Variants in TRPS1 observed in about 807,000 individuals in gnomAD.
TRPS1 encodes the protein zinc finger transcription factor Trps1.
TRPS1 carries 6 observed loss-of-function variants against 101.2 expected under a neutral mutation model. That is an observed-to-expected ratio of 0.06 (90% CI 0.03 to 0.12). The LOEUF (loss-of-function observed/expected upper bound fraction) is 0.12. Among genes scored for constraint, TRPS1 ranks in the 10% least tolerant of loss-of-function variants. The probability of loss-of-function intolerance (pLI) is 1.00; values close to 1 mark genes in which losing one functional copy is unlikely to be tolerated. For synonymous variants in TRPS1, 578 were observed against 589.8 expected, an observed-to-expected ratio of 0.98 and a Z score of 0.29; for missense variants, 1,363 against 1,567.0, an observed-to-expected ratio of 0.87 and a Z score of 2.20.
chr8:115,665,347 A>C (rs867344218), intron 1 of TRPS1, among the ~76,000 whole-genome samples: 2 of 152,196 alleles, frequency 1.3e-5, no homozygotes, highest in Non-Finnish European at 2.9e-5. Flanking sequence ...TGTGGGTTGT[A>C]TGTCTGTACA....
chr8:115,599,675 T>G (rs2737206), intron 4 of TRPS1, among the ~76,000 whole-genome samples: 1 of 151,992 alleles, frequency 6.6e-6, no homozygotes, highest in Non-Finnish European at 1.5e-5. Flanking sequence ...CACCAACTCG[T>G]TTTTTTATGG....
At position 115,410,852 on chromosome 8, in the gene TRPS1, C is replaced by G. The variant is rs967456204; in HGVS notation, c.*3171G>C. The stretch of plus-strand genomic sequence containing the variant: ...CACATCATTTTCATCACAGGGGAAG[C>G]CTTTTCCAAGAGAGAAAATTCCTAA... On this transcript the variant is annotated 3_prime_UTR_variant, in exon 7 of 7. Transcript: ENST00000395715. The G allele has an allele frequency of 6.6e-6, 1 of 151,840 alleles. No individual in the cohort carries two copies. The highest frequency in any genetic ancestry group is 2.4e-5 in the African/African-American group (1 of 41,350). 9.4% of individuals were successfully genotyped at this position (151,840 alleles called of 1,614,324 possible). A position where few individuals can be genotyped will look rare whatever the true frequency, so the allele number is the denominator to read the frequency against.
intron 5 of TRPS1, among the ~76,000 whole-genome samples, chr8:115,441,866 TGAGAGAGAGA>T (rs56875076): frequency 6.2e-4 from 86 of 139,598 alleles, no homozygotes; most frequent in Non-Finnish European, 1.1e-3. Flanking sequence ...CAATTGAGAG[TGAGAGAGAGA>T]GAGAGAGAGA....
intron 5 of TRPS1, among the ~76,000 whole-genome samples, chr8:115,443,238 C>A (rs1003438974): frequency 6.6e-6 from 1 of 152,170 alleles, no homozygotes; most frequent in Non-Finnish European, 1.5e-5. Context: ...CCACTGCACT[C>A]CAGCCTGGGT....
intron 1 of TRPS1, among the ~76,000 whole-genome samples, chr8:115,636,570 T>C (rs1442729742): frequency 6.6e-6 from 1 of 152,198 alleles, no homozygotes; most frequent in Non-Finnish European, 1.5e-5. Context: ...GGAGACATGA[T>C]TTAGCACCAA....
intron 5 of TRPS1, chr8:115,492,252 G>A (rs1272369484): frequency 2.2e-5 from 10 of 456,030 alleles, no homozygotes; most frequent in Non-Finnish European, 8.8e-6. Flanking sequence ...AGGACTCAGA[G>A]GTAAGAATGT....
chr8:115,601,962 A>C (rs1586446071), intron 4 of TRPS1, among the ~76,000 whole-genome samples: 1 of 152,336 alleles, frequency 6.6e-6, no homozygotes, highest in African/African-American at 2.4e-5. Context: ...AATATTAACT[A>C]AATTCTGACA....
Position 115,604,805 on chromosome 8 carries a change from T to C in TRPS1, c.1164A>G (p.Ser388=), listed in dbSNP as rs138244006. ...GGATGGACTTGTTAGAGTTTTTCTC[T>C]GAAGGTTTTGCAACCTCAGAGGAGG... ...SLPSSEVAKP[S]EKNSNKSIPA... is the part of the protein sequence containing the mutation. The change falls in exon 4 of 7, where the codon TCA becomes TCG. Residue 388 remains serine (S), a synonymous_variant. Transcript: ENST00000395715. This position sits in a 1 kb window ranked among gnomAD's most constrained non-coding sequence, Gnocchi z 4.1. The C allele has an allele frequency of 1.0e-4, 166 of 1,614,098 alleles. No individual in the cohort carries two copies. The African/African-American group carries it at 2.1e-3, about 21-fold the overall frequency.
chr8:115,620,145 G>A (rs949540058), intron 2 of TRPS1, 85 bp from the exon 3 acceptor site: 177 of 1,408,354 alleles, frequency 1.3e-4, no homozygotes, highest in Non-Finnish European at 1.6e-4. Context: ...TTACTTATGT[G>A]AGTTTTTTAA....
intron 4 of TRPS1, among the ~76,000 whole-genome samples, chr8:115,598,654 T>C (rs1022141855): frequency 6.6e-6 from 1 of 152,154 alleles, no homozygotes; most frequent in Non-Finnish European, 1.5e-5. Flanking sequence ...TTTGTTTGGA[T>C]TTGCTCAGAT....
chr8:115,607,702 A>G (rs1008861352), intron 3 of TRPS1, among the ~76,000 whole-genome samples: 10 of 151,846 alleles, frequency 6.6e-5, no homozygotes, highest in Non-Finnish European at 1.3e-4. Context: ...TTAGAATCAC[A>G]TATTTTAAAA....
chr8:115,444,746 G>T (rs1052405106), intron 5 of TRPS1, among the ~76,000 whole-genome samples: 26 of 152,028 alleles, frequency 1.7e-4, no homozygotes, highest in Non-Finnish European at 4.4e-5. Flanking sequence ...TTCCAACAAA[G>T]ATGATTTTCT....
At chr8:115,440,223 C>G (rs1024222521) in intron 5 of TRPS1, among the ~76,000 whole-genome samples, 4 of 152,220 alleles carry the variant, frequency 2.6e-5, no homozygotes, top group African/African-American at 9.7e-5. Context: ...GTCTGAAAAA[C>G]TTATTCTGGA....
chr8:115,425,007 T>G lies in TRPS1; in HGVS notation c.2701-6555A>C, dbSNP rs539831318. Reference sequence around the variant, plus strand: ...TAACCAGCTGTTGACTACACACCAGTAGACCCTATGGAATATACTGAATTC... The same window carrying G: ...TAACCAGCTGTTGACTACACACCAGGAGACCCTATGGAATATACTGAATTC... On this transcript the variant is annotated intron_variant, in intron 5 of 6. Transcript: ENST00000395715. 1.2e-4 allele frequency among the ~76,000 whole-genome samples: 19 copies of G among 152,312 alleles called. No homozygotes were observed. In the South Asian group the frequency reaches 3.7e-3, roughly 30 times the overall value.
intron 4 of TRPS1, among the ~76,000 whole-genome samples, chr8:115,596,956 G>A (rs1354223472): frequency 6.6e-6 from 1 of 151,630 alleles, no homozygotes; most frequent in African/African-American, 2.4e-5. Flanking sequence ...CATTTATGTT[G>A]TAGTCACTTG....
In TRPS1 at chr8:115,619,271, T is replaced by G. The variant is rs781674888; in HGVS notation, c.827A>C (p.Lys276Thr). 1 of 1,613,892 alleles carries G rather than the reference T, an allele frequency of 6.2e-7. No individual in the cohort carries two copies. Among genetic ancestry groups the G allele is most frequent in the African/African-American group, 1.3e-5 (1 of 75,038 alleles). The change falls in exon 3 of 7, where the codon AAA becomes ACA. Residue 276 changes from lysine to threonine, a missense_variant. Coordinates refer to ENST00000395715, the MANE Select transcript of TRPS1 (RefSeq NM_014112.5). ...RTRQDAELDS[K>T]ILALHNMVQF... The stretch of plus-strand genomic sequence containing the variant: ...CACCATGTTATGAAGGGCCAAGATT[T>G]TGCTGTCCAGCTCAGCATCTTGCCT...
At chr8:115,644,759 T>G (rs1347935357) in intron 1 of TRPS1, among the ~76,000 whole-genome samples, 1 of 152,218 alleles carries the variant, frequency 6.6e-6, no homozygotes, top group Non-Finnish European at 1.5e-5. Flanking sequence ...GTGAGAGACA[T>G]GAAACCCTTC....
intron 5 of TRPS1, among the ~76,000 whole-genome samples, chr8:115,486,889 G>A (rs139159554): frequency 2.0e-5 from 3 of 152,306 alleles, no homozygotes; most frequent in Non-Finnish European, 4.4e-5. Flanking sequence ...AAGTTATCCC[G>A]AAGCTGTAGG....
chr8:115,430,675 A>G (rs1251956512), intron 5 of TRPS1, among the ~76,000 whole-genome samples: 1 of 152,130 alleles, frequency 6.6e-6, no homozygotes, highest in African/African-American at 2.4e-5. Flanking sequence ...AATTTGCAAA[A>G]TGTGTAGAAA....
Sources: gnomAD v4.1 joint callset for allele counts (sites outside exome capture counted in the v4.1 genomes callset) on GRCh38, gnomAD v4.1.1 for gene constraint, Gnocchi (gnomAD v3.1) non-coding constraint, MANE v1.5 for transcripts, NCBI Gene and HGNC (gene_info 2026-07-23, HGNC 2026-07-21) for gene names.